Variants in TANGO6 observed in about 807,000 individuals in gnomAD.
The protein encoded by TANGO6 is transport and golgi organization 6 homolog.
Under a neutral mutation model 114.2 loss-of-function variants are expected in TANGO6, and 90 were observed. That is an observed-to-expected ratio of 0.79 (90% CI 0.66 to 0.94). The LOEUF is 0.94. Among genes scored for constraint, TANGO6 ranks in the 40% least tolerant of loss-of-function variants. TANGO6 has a pLI of 0.00. For missense variants in TANGO6, 1,274 were observed against 1,315.3 expected, an observed-to-expected ratio of 0.97 and a Z score of 0.49; for synonymous variants, 477 against 509.8, an observed-to-expected ratio of 0.94 and a Z score of 0.87.
At chr16:68,979,906 T>A (rs528098428) in intron 15 of TANGO6, among the ~76,000 whole-genome samples, 15 of 151,130 alleles carry the variant, frequency 9.9e-5, no homozygotes, top group Admixed American at 2.0e-4. Flanking sequence ...GTGCAGTGGC[T>A]CAATCTCAGC....
At chr16:69,049,256 C>T (rs1394552850) in intron 17 of TANGO6, among the ~76,000 whole-genome samples, 2 of 151,936 alleles carry the variant, frequency 1.3e-5, no homozygotes, top group African/African-American at 4.8e-5. Flanking sequence ...CCGTTCTCCT[C>T]TCCCCCAAGC....
chr16:69,083,313 G>A (rs1960493122), intron 17 of TANGO6, among the ~76,000 whole-genome samples, 172 bp from the exon 18 acceptor site: 2 of 151,912 alleles, frequency 1.3e-5, no homozygotes, highest in Admixed American at 6.6e-5. Flanking sequence ...TGCCTGCCTT[G>A]GCCTCCCAAA....
chr16:68,966,770 ATTTT>A (rs772432410), intron 14 of TANGO6, among the ~76,000 whole-genome samples: 1 of 129,088 alleles, frequency 7.7e-6, no homozygotes. Context: ...TGTCTGGCTA[ATTTT>A]TTTTTTTTTT....
intron 15 of TANGO6, among the ~76,000 whole-genome samples, chr16:68,980,993 CA>C (rs1177318846): frequency 1.3e-4 from 19 of 144,146 alleles, no homozygotes; most frequent in Admixed American, 6.9e-5. Context: ...GACTCCATCT[CA>C]AAAAAAAAAG....
chr16:68,995,088 C>T (rs749953812), intron 15 of TANGO6, among the ~76,000 whole-genome samples: 2 of 152,122 alleles, frequency 1.3e-5, no homozygotes, highest in Non-Finnish European at 1.5e-5. Flanking sequence ...AATAAGTTGT[C>T]CCACAGGGAT....
At chr16:69,014,941 T>A (rs1959263798) in intron 15 of TANGO6, among the ~76,000 whole-genome samples, 1 of 151,588 alleles carries the variant, frequency 6.6e-6, no homozygotes, top group Non-Finnish European at 1.5e-5. Context: ...ACCTCTTATG[T>A]AGGATCTTAA....
At chr16:68,876,221 G>A (rs1271736465) in intron 5 of TANGO6, among the ~76,000 whole-genome samples, 2 of 151,698 alleles carry the variant, frequency 1.3e-5, no homozygotes, top group African/African-American at 2.4e-5. Context: ...GAGTACAATG[G>A]TGCGATCTTG....
chr16:68,951,643 C>T (rs1246970255), intron 14 of TANGO6, among the ~76,000 whole-genome samples: 3 of 145,698 alleles, frequency 2.1e-5, no homozygotes, highest in Non-Finnish European at 4.5e-5. Context: ...GACAGAGTCT[C>T]GCTCTATCGC....
intron 12 of TANGO6, among the ~76,000 whole-genome samples, chr16:68,921,408 C>T (rs1567540249): frequency 1.3e-5 from 2 of 151,568 alleles, no homozygotes; most frequent in Non-Finnish European, 2.9e-5. Context: ...GGTCTCGAAC[C>T]CCTGACCTCA....
intron 15 of TANGO6, among the ~76,000 whole-genome samples, chr16:69,016,246 C>A (rs572064010): frequency 6.6e-6 from 1 of 152,244 alleles, no homozygotes; most frequent in Non-Finnish European, 1.5e-5. Flanking sequence ...TTTGCTGGAT[C>A]AATTAGCCAG....
chr16:68,863,982 T>G (rs147205907), intron 3 of TANGO6, among the ~76,000 whole-genome samples: 9,656 of 151,736 alleles, frequency 0.064, 568 homozygotes, highest in African/African-American at 0.15. Flanking sequence ...CGAGACCAGC[T>G]TGACCAACAT....
At chr16:68,989,692 A>G (rs1007725310) in intron 15 of TANGO6, among the ~76,000 whole-genome samples, 3 of 152,204 alleles carry the variant, frequency 2.0e-5, no homozygotes, top group African/African-American at 7.2e-5. Context: ...GACATTATGA[A>G]TATTATGTTG....
At chr16:68,968,266 A>G (rs559741726) in intron 14 of TANGO6, among the ~76,000 whole-genome samples, 50 of 151,856 alleles carry the variant, frequency 3.3e-4, no homozygotes, top group Non-Finnish European at 6.2e-4. Flanking sequence ...GGGTTTCACC[A>G]TATTGGCCAG....
intron 15 of TANGO6, among the ~76,000 whole-genome samples, chr16:69,009,236 C>T (rs1489520750): frequency 6.6e-6 from 1 of 151,796 alleles, no homozygotes; most frequent in Admixed American, 6.6e-5. Flanking sequence ...CACACGCCAC[C>T]ATGCCCAGCT....
chr16:68,880,324 GT>G (rs1226980465), intron 6 of TANGO6, among the ~76,000 whole-genome samples: 3 of 151,946 alleles, frequency 2.0e-5, no homozygotes, highest in African/African-American at 7.2e-5. Flanking sequence ...CAACGTTGGT[GT>G]TTTTTCTTAG....
chr16:68,955,916 C>T (rs1180001113), intron 14 of TANGO6, among the ~76,000 whole-genome samples: 2 of 152,024 alleles, frequency 1.3e-5, no homozygotes, highest in Non-Finnish European at 2.9e-5. Context: ...TTGGGAGGCC[C>T]GAGGCTGGAG....
intron 4 of TANGO6, chr16:68,867,525 C>A (rs1962196992): frequency 3.8e-6 from 1 of 261,048 alleles, no homozygotes; most frequent in Non-Finnish European, 7.3e-6. Flanking sequence ...GAAGTAAAAA[C>A]CCTAAAGTAA....
In TANGO6 at chr16:68,974,134, C is replaced by G; in HGVS notation, c.2808C>G (p.Val936=). ...ACACACCAGAGACCAGAATGAAAGT[C>G]GGGGAAGTCCTTATGCGAATCGTCA... ...DKHTPETRMK[V]GEVLMRIVRA... Residue 936 remains valine, a synonymous_variant, in exon 15 of 18, where the codon GTC becomes GTG. Coordinates refer to ENST00000261778, the MANE Select transcript of TANGO6 (RefSeq NM_024562.2). The G allele has an allele frequency of 6.2e-7, 1 of 1,613,786 alleles. No homozygotes were observed. The highest frequency in any genetic ancestry group is 1.7e-5 in the Admixed American group (1 of 59,938).
intron 7 of TANGO6, among the ~76,000 whole-genome samples, chr16:68,892,715 C>T (rs976610528): frequency 6.6e-6 from 1 of 152,056 alleles, no homozygotes; most frequent in Non-Finnish European, 1.5e-5. Flanking sequence ...AGGGTTTCAC[C>T]ATGTTGCCAG....
Sources: gnomAD v4.1 joint callset for allele counts (sites outside exome capture counted in the v4.1 genomes callset) on GRCh38, gnomAD v4.1.1 for gene constraint, MANE v1.5 for transcripts, NCBI Gene and HGNC (gene_info 2026-07-23, HGNC 2026-07-21) for gene names.